The following PPL variants were observed in gnomAD, a reference collection of about 807,000 sequenced individuals.
The protein encoded by PPL is 190 kDa paraneoplastic pemphigus antigen.
A neutral mutation model predicts 194.4 loss-of-function variants in PPL; 198 were observed. The ratio of observed to expected loss-of-function variants is 1.02; its 90% CI spans 0.91 to 1.15. The LOEUF (loss-of-function observed/expected upper bound fraction) is 1.15, where lower values mean the gene tolerates loss of function less well. Among genes scored for constraint, PPL ranks in the 50% most tolerant of loss-of-function variants. PPL has a pLI of 0.00. For synonymous variants in PPL, 1,220 were observed against 972.4 expected (o/e 1.25, Z -4.74); for missense variants, 2,885 against 2,294.8 (o/e 1.26, Z -5.25).
At chr16:4,924,741 G>C (rs1014048881) in intron 1 of PPL, among the ~76,000 whole-genome samples, 13 of 152,292 alleles carry the variant, frequency 8.5e-5, no homozygotes, top group African/African-American at 3.1e-4. Flanking sequence ...CCTTCCCCAG[G>C]TCCCCAGAGC....
Position 4,895,396 on chromosome 16 carries a change from C to G in PPL, c.1107G>C (p.Lys369Asn). ...CCACGTCCTCATACTTGTCCAGCAC[C>G]TTCTCCTGGTCCTGGAGAGAACGGG... Reference protein sequence around the residue: ...LLLRELDDQEKVLDKYEDVVQ... With the variant: ...LLLRELDDQENVLDKYEDVVQ... Residue 369 changes from lysine to asparagine, a missense_variant, in exon 11 of 22, where the codon AAG (lysine) becomes AAC (asparagine). By Grantham distance (94) the Lys-to-Asn change is moderately conservative. Coordinates refer to ENST00000345988, the MANE Select transcript of PPL (RefSeq NM_002705.5). 2 of 1,613,268 alleles carry G rather than the reference C, an allele frequency of 1.2e-6. No individual in the cohort carries two copies. The highest frequency in any genetic ancestry group is 1.7e-6 in the Non-Finnish European group (2 of 1,179,906).
rs760295436 is a variant in PPL, at chr16:4,884,599, C to G, written c.4056G>C (p.Gln1352His). Residue 1352 changes from glutamine (Q) to histidine (H), a missense_variant, in exon 22 of 22, where the codon CAG (glutamine) becomes CAC (histidine). By Grantham distance (24) the Gln-to-His change is conservative (BLOSUM62 0). Coordinates refer to ENST00000345988, the MANE Select transcript of PPL (RefSeq NM_002705.5). The surrounding 1 kb of genome is among the most constrained non-coding windows in gnomAD (Gnocchi z 5.7). ...ELSRVKERVV[Q>H]QEVVRYEEEP... ...CCTCCTCATACCTGACCACCTCCTGCTGCACCACCCTTTCCTTCACCCGCG... is the reference window on the plus strand; with the variant it reads ...CCTCCTCATACCTGACCACCTCCTGGTGCACCACCCTTTCCTTCACCCGCG... The G allele has an allele frequency of 5.0e-6, 8 of 1,614,144 alleles. No homozygotes were observed. The South Asian group carries it at 8.8e-5, about 18-fold the overall frequency.
chr16:4,935,484 C>T (rs538383734), intron 1 of PPL, among the ~76,000 whole-genome samples: 13 of 152,232 alleles, frequency 8.5e-5, no homozygotes, highest in African/African-American at 1.9e-4. Flanking sequence ...AGGGACTGGA[C>T]GGGCCTCTGG....
intron 20 of PPL, among the ~76,000 whole-genome samples, 191 bp downstream of exon 20, chr16:4,887,911 G>A (rs1216231030): frequency 1.3e-5 from 2 of 152,132 alleles, no homozygotes; most frequent in African/African-American, 4.8e-5. Flanking sequence ...GTCTTTCTAG[G>A]CATATTGATG....
chr16:4,928,762 G>A (rs1222892575), intron 1 of PPL, among the ~76,000 whole-genome samples: 2 of 152,156 alleles, frequency 1.3e-5, no homozygotes, highest in African/African-American at 2.4e-5. Flanking sequence ...TGTAATCCCA[G>A]CACTTTAGGA....
intron 1 of PPL, among the ~76,000 whole-genome samples, chr16:4,920,971 G>A (rs962987177): frequency 6.6e-6 from 1 of 152,180 alleles, no homozygotes; most frequent in African/African-American, 2.4e-5. Context: ...TGAGGACCCA[G>A]AACTTGGTTG....
intron 17 of PPL, 145 bp downstream of exon 17, chr16:4,890,579 AAGAG>A: frequency 9.1e-7 from 1 of 1,104,132 alleles, no homozygotes; most frequent in Non-Finnish European, 1.3e-6. Context: ...CATGACTCAA[AAGAG>A]AGACCACAGG....
intron 1 of PPL, among the ~76,000 whole-genome samples, chr16:4,930,661 C>G (rs556087580): frequency 6.6e-6 from 1 of 152,196 alleles, no homozygotes; most frequent in African/African-American, 2.4e-5. Flanking sequence ...GAAGGGGAGT[C>G]CATAGAATAG....
rs1402763399 is a variant in PPL at position 4,883,249 on chromosome 16, G to T, written c.*135C>A. The T allele has an allele frequency of 8.0e-7, 1 of 1,255,014 alleles. No individual in the cohort carries two copies. Among genetic ancestry groups the T allele is most frequent in the African/African-American group, 1.5e-5 (1 of 66,662 alleles). 77.7% of individuals were successfully genotyped at this position (1,255,014 alleles called of 1,614,324 possible). A position where few individuals can be genotyped will look rare whatever the true frequency, so the allele number is the denominator to read the frequency against. ...CTGTCTCATATGTGGGCGGGACTCTGAGCAGCCTGGCAGCGAGGGTATGTA... is the reference window on the plus strand; with the variant it reads ...CTGTCTCATATGTGGGCGGGACTCTTAGCAGCCTGGCAGCGAGGGTATGTA... On this transcript the variant is annotated 3_prime_UTR_variant, in exon 22 of 22. Transcript: ENST00000345988. The surrounding 1 kb of genome is among the most constrained non-coding windows in gnomAD (Gnocchi z 4.8).
At chr16:4,895,138 CAG>C (rs1306905203) in intron 11 of PPL, 121 bp downstream of exon 11, 2 of 1,248,676 alleles carry the variant, frequency 1.6e-6, no homozygotes, top group South Asian at 1.7e-5. Flanking sequence ...GAAGGGTTGG[CAG>C]AGTGACACCA....
chr16:4,890,947 G>A (rs199920271), intron 16 of PPL, 26 bp from the exon 17 acceptor site: 18 of 1,490,554 alleles, frequency 1.2e-5, no homozygotes, highest in East Asian at 2.5e-5. Context: ...AGGAGACGGC[G>A]GTGCTACGGC....
intron 17 of PPL, 75 bp downstream of exon 17, chr16:4,890,653 G>A: frequency 6.8e-7 from 1 of 1,475,974 alleles, no homozygotes. Context: ...GTGGGACACG[G>A]CTAAAGCATT....
At chr16:4,901,831 T>C (rs1255515421) in intron 4 of PPL, among the ~76,000 whole-genome samples, 2 of 151,570 alleles carry the variant, frequency 1.3e-5, no homozygotes, top group African/African-American at 4.9e-5. Flanking sequence ...TTCCAGCTAC[T>C]TGGGAGGCTG....
chr16:4,904,158 C>T (rs1005771524), intron 2 of PPL, 118 bp from the exon 3 acceptor site: 65 of 1,116,986 alleles, frequency 5.8e-5, no homozygotes, highest in Non-Finnish European at 7.0e-5. Context: ...CTTTGAATAA[C>T]GTCTTCCAGG....
chr16:4,912,064 C>G (rs180932657), intron 1 of PPL, among the ~76,000 whole-genome samples: 277 of 152,320 alleles, frequency 1.8e-3, no homozygotes, highest in Non-Finnish European at 2.9e-3. Context: ...GGAGATAACT[C>G]ACATACCGTA....
chr16:4,907,389 G>A (rs1232920065), intron 2 of PPL, among the ~76,000 whole-genome samples: 1 of 151,206 alleles, frequency 6.6e-6, no homozygotes, highest in Admixed American at 6.6e-5. Flanking sequence ...TTCAGCAGAC[G>A]TTCCTTGTAG....
At chr16:4,922,035 G>T (rs2089060518) in intron 1 of PPL, among the ~76,000 whole-genome samples, 1 of 152,052 alleles carries the variant, frequency 6.6e-6, no homozygotes, top group South Asian at 2.1e-4. Flanking sequence ...CCACCTCCTG[G>T]GTCTCTCTTC....
At chr16:4,930,262 C>T (rs949661799) in intron 1 of PPL, among the ~76,000 whole-genome samples, 1 of 152,184 alleles carries the variant, frequency 6.6e-6, no homozygotes, top group Non-Finnish European at 1.5e-5. Context: ...GGTCAGGGCC[C>T]TCCTTTATCT....
chr16:4,899,439 G>A (rs76087945), intron 6 of PPL, 55 bp from the exon 7 acceptor site: 227,560 of 1,231,168 alleles, frequency 0.18, 18,160 homozygotes, highest in South Asian at 0.28. Flanking sequence ...GCCACTGCTC[G>A]CTTCCTTCCC....
Sources: gnomAD v4.1 joint callset for allele counts (sites outside exome capture counted in the v4.1 genomes callset) on GRCh38, gnomAD v4.1.1 for gene constraint, Gnocchi (gnomAD v3.1) non-coding constraint, MANE v1.5 for transcripts, NCBI Gene and HGNC (gene_info 2026-07-23, HGNC 2026-07-21) for gene names.